AASDHPPT: variants seen among roughly 807,000 people sequenced by gnomAD.
AASDHPPT encodes aminoadipate-semialdehyde dehydrogenase-phosphopantetheinyl transferase.
In AASDHPPT, 23 loss-of-function variants were observed where a neutral mutation model predicts 36.4. That is an observed-to-expected ratio of 0.63 (90% confidence interval 0.45 to 0.89). The LOEUF (loss-of-function observed/expected upper bound fraction) is 0.89. Among genes scored for constraint, AASDHPPT ranks in the 40% least tolerant of loss-of-function variants. AASDHPPT has a pLI of 0.00. For synonymous variants in AASDHPPT, 115 were observed against 128.0 expected (o/e 0.90, Z 0.68); for missense variants, 377 against 378.2 (o/e 1.00, Z 0.03).
chr11:106,094,485 T>TAG, intron 4 of AASDHPPT, 98 bp from the exon 5 acceptor site: 18 of 826,938 alleles, frequency 2.2e-5, no homozygotes, highest in South Asian at 3.9e-5. Context: ...TGTATATATA[T>TAG]ATAGAGAGAG....
rs1367714840 is a variant in AASDHPPT, at chr11:106,098,183, A to G, written c.*1276A>G. 1 of 152,134 alleles carries G rather than the reference A, an allele frequency of 6.6e-6. No homozygotes were observed. The highest frequency in any genetic ancestry group is 1.5e-5 in the Non-Finnish European group (1 of 67,996). The allele number at this position is 152,134 out of a possible 1,614,324, so 9.4% of individuals were successfully genotyped here. On this transcript the variant is annotated 3_prime_UTR_variant, in exon 6 of 6. Coordinates refer to ENST00000278618, the MANE Select transcript of AASDHPPT (RefSeq NM_015423.3). ...CAATGTAATTAAAAAATGGTATGTCATTTTTAAAATTTGTATTTCTTTCAT... is the reference window on the plus strand; with the variant it reads ...CAATGTAATTAAAAAATGGTATGTCGTTTTTAAAATTTGTATTTCTTTCAT...
At chr11:106,096,558 A>AT (rs921167472) in intron 5 of AASDHPPT, 185 bp from the exon 6 acceptor site, 336 of 427,418 alleles carry the variant, frequency 7.9e-4, no homozygotes, top group South Asian at 1.7e-3. Flanking sequence ...TTTCTATTTC[A>AT]TTTTTTTTTG....
Position 106,097,023 on chromosome 11 carries a change from G to A in AASDHPPT, c.*116G>A. The A allele has an allele frequency of 1.0e-5, 11 of 1,069,272 alleles. No homozygotes were observed. Among genetic ancestry groups the A allele is most frequent in the South Asian group, 1.8e-5 (1 of 54,320 alleles). 66.2% of individuals were successfully genotyped at this position (1,069,272 alleles called of 1,614,324 possible). A position where few individuals can be genotyped will look rare whatever the true frequency, so the allele number is the denominator to read the frequency against. ...TTCACGAAAGTTTTTTTAAAGAACA[G>A]AAACTTTTCCAATTAAAAAAAAAAA... On this transcript the variant is annotated 3_prime_UTR_variant, in exon 6 of 6. Transcript: ENST00000278618.
rs763823958 is a variant in AASDHPPT at position 106,079,732 on chromosome 11, G to A, written c.409+40G>A. On this transcript the variant is annotated intron_variant, in intron 2 of 5. Transcript: ENST00000278618. ...TTCTAGTATGGCAGTTAAGTGTCTC[G>A]ATGCCTCAGTTCTATTGCTATTGAG... 8 of 1,527,706 alleles carry A rather than the reference G, an allele frequency of 5.2e-6. No homozygotes were observed. The Admixed American group carries it at 1.2e-4, about 22-fold the overall frequency. The allele number at this position is 1,527,706 out of a possible 1,614,324, so 94.6% of individuals were successfully genotyped here.
At chr11:106,092,795 A>G (rs981121806) in intron 4 of AASDHPPT, 1 of 152,182 alleles carries the variant, frequency 6.6e-6, no homozygotes, top group Non-Finnish European at 1.5e-5. Flanking sequence ...AATAAATTAC[A>G]TGAGCTATTC....
Position 106,097,968 on chromosome 11 carries a change from C to T in AASDHPPT, c.*1061C>T, listed in dbSNP as rs1023462254. 2.0e-5 allele frequency: 3 copies of T among 152,076 alleles called. No individual in the cohort carries two copies. The highest frequency in any genetic ancestry group is 7.2e-5 in the African/African-American group (3 of 41,434). 9.4% of individuals were successfully genotyped at this position (152,076 alleles called of 1,614,324 possible). On this transcript the variant is annotated 3_prime_UTR_variant, in exon 6 of 6. Coordinates refer to ENST00000278618, the MANE Select transcript of AASDHPPT (RefSeq NM_015423.3). Reference sequence around the variant, plus strand: ...CAGTGGCAGAGTGAATGTCCTTGTACATTTTGAGTTACATGCTTAATTATG... The same window carrying T: ...CAGTGGCAGAGTGAATGTCCTTGTATATTTTGAGTTACATGCTTAATTATG...
intron 2 of AASDHPPT, chr11:106,086,116 C>A (rs1194880267): frequency 6.6e-6 from 1 of 152,210 alleles, no homozygotes; most frequent in African/African-American, 2.4e-5. Context: ...ATATTAGTTT[C>A]TTCAGGCTGC....
At chr11:106,083,070 A>G (rs1861160056) in intron 2 of AASDHPPT, among the ~76,000 whole-genome samples, 1 of 152,150 alleles carries the variant, frequency 6.6e-6, no homozygotes, top group Non-Finnish European at 1.5e-5. Flanking sequence ...TGGGATTTAA[A>G]ACCTGTAAGT....
chr11:106,087,268 C>T (rs1327197160), intron 2 of AASDHPPT, among the ~76,000 whole-genome samples: 2 of 152,138 alleles, frequency 1.3e-5, no homozygotes, highest in East Asian at 3.9e-4. Flanking sequence ...TTGTGTTATT[C>T]TAGGTTTTTG....
Position 106,096,888 on chromosome 11 carries a change from G to A in AASDHPPT, c.911G>A (p.Arg304Gln), listed in dbSNP as rs761620246. 2.9e-5 allele frequency: 46 copies of A among 1,608,604 alleles called. No individual in the cohort carries two copies. Among genetic ancestry groups the A allele is most frequent in the South Asian group, 1.9e-4 (17 of 89,968 alleles). Residue 304 changes from arginine to glutamine, a missense_variant, in exon 6 of 6, where the codon CGA becomes CAA. Coordinates refer to ENST00000278618, the MANE Select transcript of AASDHPPT (RefSeq NM_015423.3). Reference protein sequence around the residue: ...CFCFTEEIPIRNGTKS With the variant: ...CFCFTEEIPIQNGTKS ...TGCTTCACAGAAGAAATTCCAATAC[G>A]AAATGGTACAAAGTCATGATGATTC...
intron 2 of AASDHPPT, among the ~76,000 whole-genome samples, chr11:106,082,042 A>G (rs964284637): frequency 6.6e-6 from 1 of 152,150 alleles, no homozygotes; most frequent in Non-Finnish European, 1.5e-5. Flanking sequence ...TAAATGATGG[A>G]AAGACAATTG....
chr11:106,077,681 C>T lies in AASDHPPT; in HGVS notation c.-30C>T, dbSNP rs752179410. On this transcript the variant is annotated 5_prime_UTR_variant, in exon 1 of 6. Coordinates refer to ENST00000278618, the MANE Select transcript of AASDHPPT (RefSeq NM_015423.3). ...ACGTTTGCGTCCGCGCCATCAGGCC[C>T]GAGATAGCGGCGAGGTCCGCTTTCA... The T allele has an allele frequency of 3.7e-6, 6 of 1,600,270 alleles. No individual in the cohort carries two copies. The highest frequency in any genetic ancestry group is 1.3e-5 in the African/African-American group (1 of 74,446).
At chr11:106,091,565 AT>A in intron 4 of AASDHPPT, 88 bp downstream of exon 4, 2 of 1,332,742 alleles carry the variant, frequency 1.5e-6, no homozygotes, top group South Asian at 3.1e-5. Context: ...TAGTCACTGA[AT>A]TTGGACGCAA....
intron 3 of AASDHPPT, among the ~76,000 whole-genome samples, chr11:106,090,982 A>G (rs942120435): frequency 1.3e-5 from 2 of 152,138 alleles, no homozygotes; most frequent in Non-Finnish European, 2.9e-5. Flanking sequence ...GTCCTATATA[A>G]CAAACACTGA....
Position 106,097,277 on chromosome 11 carries a change from A to G in AASDHPPT, c.*370A>G, listed in dbSNP as rs183456565. The G allele has an allele frequency of 8.4e-5, 15 of 179,124 alleles. No homozygotes were observed. The East Asian group carries it at 2.3e-3, about 28-fold the overall frequency. The allele number at this position is 179,124 out of a possible 1,614,324, so 11.1% of individuals were successfully genotyped here. On this transcript the variant is annotated 3_prime_UTR_variant, in exon 6 of 6. Transcript: ENST00000278618. ...TTCAGACCTTTTTCTTGGCAAATGAATCCATATTGACATATTTGATTTTTT... is the reference window on the plus strand; with the variant it reads ...TTCAGACCTTTTTCTTGGCAAATGAGTCCATATTGACATATTTGATTTTTT...
intron 5 of AASDHPPT, among the ~76,000 whole-genome samples, chr11:106,094,865 C>T (rs12288318): frequency 0.014 from 2,192 of 152,216 alleles, 49 homozygotes; most frequent in African/African-American, 0.049. Flanking sequence ...GTGGCTCACA[C>T]CTGTAATCCC....
intron 2 of AASDHPPT, among the ~76,000 whole-genome samples, chr11:106,085,269 T>C (rs550903725): frequency 3.3e-5 from 5 of 152,144 alleles, no homozygotes; most frequent in Admixed American, 2.6e-4. Flanking sequence ...GCCCGGCTAA[T>C]TTTTTGTATT....
intron 5 of AASDHPPT, among the ~76,000 whole-genome samples, chr11:106,095,202 A>G (rs4754141): frequency 0.61 from 93,329 of 152,104 alleles, 32,470 homozygotes; most frequent in Non-Finnish European, 0.77. Context: ...TGGTAGTACT[A>G]TCATGCTACT....
rs1260877797 is a variant in AASDHPPT at position 106,077,816 on chromosome 11, G to A, written c.106G>A (p.Ala36Thr). The A allele has an allele frequency of 1.2e-6, 2 of 1,614,188 alleles. No individual in the cohort carries two copies. Among genetic ancestry groups the A allele is most frequent in the Admixed American group, 3.3e-5 (2 of 60,030 alleles). Residue 36 changes from alanine (A) to threonine (T), a missense_variant, in exon 1 of 6, where the codon GCA becomes ACA. Coordinates refer to ENST00000278618, the MANE Select transcript of AASDHPPT (RefSeq NM_015423.3). ...GCCGAGCCGAGCCGAATGGCTGCTG[G>A]CAGTGCGATCGATTCAGCCCGAGGA... ...WLPSRAEWLL[A>T]VRSIQPEEKE...
Sources: allele counts gnomAD v4.1 joint callset (sites outside exome capture counted in the v4.1 genomes callset), GRCh38; gene constraint gnomAD v4.1.1; transcripts MANE v1.5; gene names NCBI Gene and HGNC (gene_info 2026-07-23, HGNC 2026-07-21).